Variants in DHRS3 observed in about 807,000 individuals in gnomAD.
The protein encoded by DHRS3 is dehydrogenase/reductase 3.
DHRS3 carries 14 observed loss-of-function variants against 27.2 expected under a neutral mutation model. That is an observed-to-expected ratio of 0.52 (90% CI 0.34 to 0.81). DHRS3 has a LOEUF of 0.81. DHRS3 is among the 30% of genes least tolerant of loss of function. The probability of loss-of-function intolerance (pLI) is 0.01; values close to 1 mark genes in which losing one functional copy is unlikely to be tolerated. For synonymous variants in DHRS3, 165 were observed against 175.9 expected (o/e 0.94, Z 0.49); for missense variants, 322 against 406.2 (o/e 0.79, Z 1.78).
intron 1 of DHRS3, among the ~76,000 whole-genome samples, chr1:12,606,136 CAAA>C (rs35154933): frequency 0.12 from 12,399 of 106,758 alleles, 571 homozygotes; most frequent in Non-Finnish European, 0.16. Flanking sequence ...GACTCTGTCT[CAAA>C]AAAAAAAAAA....
In DHRS3 at chr1:12,574,009, G is replaced by A. The variant is rs537307390; in HGVS notation, c.699-1156C>T. On this transcript the variant is annotated intron_variant, in intron 4 of 5. Transcript: ENST00000616661. This position sits in a 1 kb window ranked among gnomAD's most constrained non-coding sequence, Gnocchi z 4.6. ...CAATCCCACAAAGAGCTTGTGATCC[G>A]CTCTGGCACCAGGAAGATTAAGGGT... Among the ~76,000 whole-genome samples the A allele has an allele frequency of 2.2e-4, 33 of 152,172 alleles. No homozygotes were observed. Among genetic ancestry groups the A allele is most frequent in the Middle Eastern group, 3.4e-3 (1 of 294 alleles).
At chr1:12,600,239 AAT>A (rs201681371) in intron 1 of DHRS3, 4 of 247,436 alleles carry the variant, frequency 1.6e-5, no homozygotes, top group Non-Finnish European at 1.9e-5. Flanking sequence ...ACACACACAC[AAT>A]CACACAAACA....
At position 12,617,787 on chromosome 1, in the gene DHRS3, T is replaced by A. The variant is rs1426462231; in HGVS notation, c.-439A>T. 2 of 5,026 alleles carry A rather than the reference T, an allele frequency of 4.0e-4. No homozygotes were observed. Among genetic ancestry groups the A allele is most frequent in the African/African-American group, 8.3e-4 (1 of 1,200 alleles). 0.3% of individuals were successfully genotyped at this position (5,026 alleles called of 1,614,324 possible). A position where few individuals can be genotyped will look rare whatever the true frequency, so the allele number is the denominator to read the frequency against. On this transcript the variant is annotated 5_prime_UTR_variant, in exon 1 of 6. Transcript: ENST00000616661. ...GGTCCCGCGGTTTCAAAGTGCAAGA[T>A]TAAAAAAAAAAAAAAAAAAAAAAAA...
intron 1 of DHRS3, among the ~76,000 whole-genome samples, chr1:12,604,721 G>A (rs1376724176): frequency 6.6e-6 from 1 of 152,202 alleles, no homozygotes. Context: ...CCTCAGCGAC[G>A]TGTCCCAGGA....
In DHRS3 at chr1:12,608,348, G is replaced by A. The variant is rs1030445752; in HGVS notation, c.195+8806C>T. Among the ~76,000 whole-genome samples, 3 of 152,172 alleles carry A rather than the reference G, an allele frequency of 2.0e-5. No homozygotes were observed. The highest frequency in any genetic ancestry group is 2.9e-5 in the Non-Finnish European group (2 of 68,042). On this transcript the variant is annotated intron_variant, in intron 1 of 5. Coordinates refer to ENST00000616661, the MANE Select transcript of DHRS3 (RefSeq NM_004753.7). This position sits in a 1 kb window ranked among gnomAD's most constrained non-coding sequence, Gnocchi z 4.1. ...AAGGAAGCCATCAGCATCCAGTTCAGAAGCCACAGGAATCTAAGCCTGAGT... is the reference window on the plus strand; with the variant it reads ...AAGGAAGCCATCAGCATCCAGTTCAAAAGCCACAGGAATCTAAGCCTGAGT...
intron 3 of DHRS3, 150 bp from the exon 4 acceptor site, chr1:12,579,106 C>T (rs972923687): frequency 5.6e-6 from 7 of 1,258,070 alleles, no homozygotes; most frequent in Non-Finnish European, 3.3e-6. Context: ...CTCCCTGCCC[C>T]AGGACACCGA....
At chr1:12,583,254 C>G (rs948825708) in intron 1 of DHRS3, among the ~76,000 whole-genome samples, 8 of 149,176 alleles carry the variant, frequency 5.4e-5, no homozygotes, top group Non-Finnish European at 7.4e-5. Context: ...CTCACCTACC[C>G]AACTCCATCT....
intron 1 of DHRS3, among the ~76,000 whole-genome samples, chr1:12,599,090 T>C (rs985654981): frequency 1.3e-5 from 2 of 152,246 alleles, no homozygotes; most frequent in African/African-American, 4.8e-5. Flanking sequence ...CTTAAATTAC[T>C]TGCAAGCTGT....
chr1:12,596,938 G>T (rs1042104917), intron 1 of DHRS3, among the ~76,000 whole-genome samples: 3 of 152,106 alleles, frequency 2.0e-5, no homozygotes, highest in Non-Finnish European at 4.4e-5. Flanking sequence ...TGGGTTTATT[G>T]TGAGAAGCCG....
At chr1:12,583,431 TCC>T (rs1646663486) in intron 1 of DHRS3, among the ~76,000 whole-genome samples, 1 of 127,296 alleles carries the variant, frequency 7.9e-6, no homozygotes, top group Non-Finnish European at 1.6e-5. Context: ...CATCCATCCA[TCC>T]ATCCATCCAT....
rs1484584871 is a variant in DHRS3, at chr1:12,578,811, A to G, written c.605T>C (p.Leu202Pro). The G allele has an allele frequency of 6.2e-7, 1 of 1,614,092 alleles. No homozygotes were observed. The highest frequency in any genetic ancestry group is 1.1e-5 in the South Asian group (1 of 91,076). ...KASAFAFMES[L>P]TLGLLDCPGV... Reference sequence around the variant, plus strand: ...CGGACAGTCCAGCAGCCCCAGGGTCAGGCTCTCCATGAAGGCGAAGGCTGA... The same window carrying G: ...CGGACAGTCCAGCAGCCCCAGGGTCGGGCTCTCCATGAAGGCGAAGGCTGA... Residue 202 changes from leucine to proline, a missense_variant, in exon 4 of 6, where the codon CTG becomes CCG. By Grantham distance (98) the Leu-to-Pro change is moderately conservative (BLOSUM62 -3). Coordinates refer to ENST00000616661, the MANE Select transcript of DHRS3 (RefSeq NM_004753.7). This position sits in a 1 kb window ranked among gnomAD's most constrained non-coding sequence, Gnocchi z 4.5.
rs1351105214 is a variant in DHRS3 at position 12,592,544 on chromosome 1, AAG to A, written c.196-11880_196-11879del. Among the ~76,000 whole-genome samples, 1 of 152,182 alleles carries A rather than the reference AAG, an allele frequency of 6.6e-6. No homozygotes were observed. The highest frequency in any genetic ancestry group is 1.5e-5 in the Non-Finnish European group (1 of 68,026). Reference sequence around the variant, plus strand: ...GCTGCCAAGAGCCACCAGGAGCTGAAAGAGACAAGGAAGGATCCTTCCCTAGA... The same window carrying A: ...GCTGCCAAGAGCCACCAGGAGCTGAAAGACAAGGAAGGATCCTTCCCTAGA... On this transcript the variant is annotated intron_variant, in intron 1 of 5. Coordinates refer to ENST00000616661, the MANE Select transcript of DHRS3 (RefSeq NM_004753.7). The surrounding 1 kb of genome is among the most constrained non-coding windows in gnomAD (Gnocchi z 4.2).
In DHRS3 at chr1:12,594,091, G is replaced by C. The variant is rs1207712407; in HGVS notation, c.196-13425C>G. Among the ~76,000 whole-genome samples, 2 of 152,168 alleles carry C rather than the reference G, an allele frequency of 1.3e-5. No homozygotes were observed. The highest frequency in any genetic ancestry group is 4.8e-5 in the African/African-American group (2 of 41,428). On this transcript the variant is annotated intron_variant, in intron 1 of 5. Coordinates refer to ENST00000616661, the MANE Select transcript of DHRS3 (RefSeq NM_004753.7). The surrounding 1 kb of genome is among the most constrained non-coding windows in gnomAD (Gnocchi z 4.1). ...GGTGACCTTGGGGTGGGGGTGCCAAGGAGAGGAGGGAGGAGCCAGCATCTA... is the reference window on the plus strand; with the variant it reads ...GGTGACCTTGGGGTGGGGGTGCCAACGAGAGGAGGGAGGAGCCAGCATCTA...
In DHRS3 at chr1:12,617,184, G is replaced by A. The variant is rs1354561337; in HGVS notation, c.165C>T (p.Ala55=). 1.2e-6 allele frequency: 2 copies of A among 1,612,550 alleles called. No homozygotes were observed. Among genetic ancestry groups the A allele is most frequent in the Admixed American group, 1.7e-5 (1 of 59,978 alleles). Residue 55 remains alanine (A), a synonymous_variant, in exon 1 of 6, where the codon GCC becomes GCT. Transcript: ENST00000616661. ...TGGCGCCGCGCTCCGCGAACTCGCG[G>A]GCGAGCTGACGCCCGATGCCTCTCC... ...GGGRGIGRQL[A]REFAERGARK... is the part of the protein sequence containing the mutation.
chr1:12,588,267 T>C (rs748076569), intron 1 of DHRS3, among the ~76,000 whole-genome samples: 18 of 152,112 alleles, frequency 1.2e-4, no homozygotes, highest in Non-Finnish European at 4.4e-5. Flanking sequence ...ACCACCACTA[T>C]ATAATGGCTA....
intron 1 of DHRS3, among the ~76,000 whole-genome samples, chr1:12,582,083 G>T (rs1433881000): frequency 6.6e-6 from 1 of 152,146 alleles, no homozygotes; most frequent in Non-Finnish European, 1.5e-5. Context: ...TAAACTGGGG[G>T]TTACAGATGG....
At chr1:12,583,323 T>TCATCCATCCATCCATC (rs533930418) in intron 1 of DHRS3, among the ~76,000 whole-genome samples, 5 of 126,648 alleles carry the variant, frequency 3.9e-5, no homozygotes, top group Middle Eastern at 5.6e-3. Context: ...CCTACTCCAT[T>TCATCCATCCATCCATC]CATCCATCCA....
At chr1:12,598,246 G>A (rs1441357381) in intron 1 of DHRS3, among the ~76,000 whole-genome samples, 1 of 152,122 alleles carries the variant, frequency 6.6e-6, no homozygotes, top group East Asian at 1.9e-4. Context: ...AAGTTAGCCA[G>A]GCATGGTGGT....
At chr1:12,582,445 A>C (rs1368401548) in intron 1 of DHRS3, among the ~76,000 whole-genome samples, 1 of 152,216 alleles carries the variant, frequency 6.6e-6, no homozygotes, top group Admixed American at 6.5e-5. Context: ...AGGGCTTAAC[A>C]AGTGGGTCCC....
Sources: gnomAD v4.1 joint callset for allele counts (sites outside exome capture counted in the v4.1 genomes callset) on GRCh38, gnomAD v4.1.1 for gene constraint, Gnocchi (gnomAD v3.1) non-coding constraint, MANE v1.5 for transcripts, NCBI Gene and HGNC (gene_info 2026-07-23, HGNC 2026-07-21) for gene names.